Variants in SEPTIN12 observed in about 807,000 individuals in gnomAD.
The protein encoded by SEPTIN12 is septin 12.
Under a neutral mutation model 37.7 loss-of-function variants are expected in SEPTIN12, and 42 were observed. The observed-to-expected ratio is 1.11, with a 90% CI of 0.87 to 1.44. SEPTIN12 has a LOEUF of 1.44. Among genes scored for constraint, SEPTIN12 ranks in the 40% most tolerant of loss-of-function variants. The pLI, the probability that SEPTIN12 is intolerant of heterozygous loss-of-function variation, is 0.00. For synonymous variants in SEPTIN12, 254 were observed against 196.7 expected (o/e 1.29, Z -2.44); for missense variants, 613 against 479.2 (o/e 1.28, Z -2.61).
intron 7 of SEPTIN12, among the ~76,000 whole-genome samples, chr16:4,781,999 G>A (rs575358555): frequency 3.8e-5 from 5 of 130,838 alleles, no homozygotes; most frequent in Admixed American, 1.9e-4. Flanking sequence ...TGCCCAGGCT[G>A]GAGTGCAGTG....
rs748270092 is a variant in SEPTIN12, at chr16:4,777,882, G to A, written c.992C>T (p.Ala331Val). Reference protein sequence around the residue: ...LPRGPGWVNLAPASPGQLTTP... With the variant: ...LPRGPGWVNLVPASPGQLTTP... ...GGTCAGCTGTCCTGGGGAGGCCGGG[G>A]CCAGGTTCACCCAGCCGGGCCCGCG... Residue 331 changes from alanine (A) to valine (V), a missense_variant, in exon 10 of 10, where the codon GCC (alanine) becomes GTC (valine). Transcript: ENST00000268231. 6.3e-7 allele frequency: 1 copy of A among 1,598,566 alleles called. No homozygotes were observed. Among genetic ancestry groups the A allele is most frequent in the South Asian group, 1.1e-5 (1 of 88,602 alleles).
intron 2 of SEPTIN12, 38 bp downstream of exon 2, chr16:4,787,442 G>A (rs376379828): frequency 1.9e-6 from 3 of 1,599,852 alleles, no homozygotes; most frequent in Non-Finnish European, 1.7e-6. Context: ...GCGTAGCACT[G>A]TGGGTCTGTC....
chr16:4,781,943 CTTTTTTTTT>C (rs571415645), intron 7 of SEPTIN12, among the ~76,000 whole-genome samples: 1 of 47,450 alleles, frequency 2.1e-5, no homozygotes, highest in Non-Finnish European at 3.6e-5. Flanking sequence ...CGTGCCCGGC[CTTTTTTTTT>C]TTTTTTTTTT....
chr16:4,783,586 C>A, intron 6 of SEPTIN12, 29 bp from the exon 7 acceptor site: 1 of 1,611,718 alleles, frequency 6.2e-7, no homozygotes, highest in South Asian at 1.1e-5. Flanking sequence ...TGACCTCAGC[C>A]CACCCTGCCC....
Position 4,779,804 on chromosome 16 carries a change from A to T in SEPTIN12, c.727-18T>A, listed in dbSNP as rs1471792922. 1 of 1,555,986 alleles carries T rather than the reference A, an allele frequency of 6.4e-7. No individual in the cohort carries two copies. Among genetic ancestry groups the T allele is most frequent in the Non-Finnish European group, 8.9e-7 (1 of 1,126,972 alleles). On this transcript the variant is annotated intron_variant, in intron 7 of 9. Coordinates refer to ENST00000268231, the MANE Select transcript of SEPTIN12 (RefSeq NM_144605.5). Reference sequence around the variant, plus strand: ...ATTCGGTCCTGGGAAAGGAGAAGACACAGAGATGGGAGGATTGACTTCGCT... The same window carrying T: ...ATTCGGTCCTGGGAAAGGAGAAGACTCAGAGATGGGAGGATTGACTTCGCT...
rs543288156 is a variant in SEPTIN12 at position 4,783,851 on chromosome 16, G to A, written c.512+80C>T. The A allele has an allele frequency of 9.4e-6, 15 of 1,601,690 alleles. No homozygotes were observed. In the Admixed American group the frequency reaches 1.0e-4, roughly 11 times the overall value. On this transcript the variant is annotated intron_variant, in intron 5 of 9. Coordinates refer to ENST00000268231, the MANE Select transcript of SEPTIN12 (RefSeq NM_144605.5). Reference sequence around the variant, plus strand: ...GCAGGGCACGGGGGTGGGGGCAGCCGGCAGCCCATGGTGGGGACCCCTTCT... The same window carrying A: ...GCAGGGCACGGGGGTGGGGGCAGCCAGCAGCCCATGGTGGGGACCCCTTCT...
upstream of SEPTIN12, among the ~76,000 whole-genome samples, chr16:4,790,369 G>T (rs2082533363): frequency 6.6e-6 from 1 of 152,214 alleles, no homozygotes; most frequent in Admixed American, 6.5e-5. Flanking sequence ...CAGAAGAAAG[G>T]TGGCCGTGGT....
intron 7 of SEPTIN12, among the ~76,000 whole-genome samples, chr16:4,781,600 G>T (rs139541962): frequency 2.6e-3 from 394 of 151,432 alleles, no homozygotes; most frequent in Non-Finnish European, 4.0e-3. Context: ...TGTTTACAAG[G>T]TTCCCCCACG....
chr16:4,779,826 C>A, intron 7 of SEPTIN12, 40 bp from the exon 8 acceptor site: 2 of 1,394,660 alleles, frequency 1.4e-6, no homozygotes, highest in Non-Finnish European at 2.0e-6. Flanking sequence ...GGATTGACTT[C>A]GCTGGGGAGA....
At chr16:4,780,642 A>G (rs1292813965) in intron 7 of SEPTIN12, among the ~76,000 whole-genome samples, 1 of 152,162 alleles carries the variant, frequency 6.6e-6, no homozygotes, top group Non-Finnish European at 1.5e-5. Flanking sequence ...AGTGACATAT[A>G]TGGGTTTTTA....
At position 4,787,462 on chromosome 16, in the gene SEPTIN12, G is replaced by A. The variant is rs754728631; in HGVS notation, c.166+18C>T. 6.2e-7 allele frequency: 1 copy of A among 1,610,364 alleles called. No individual in the cohort carries two copies. The highest frequency in any genetic ancestry group is 8.5e-7 in the Non-Finnish European group (1 of 1,179,218). ...GCACTGTGGGTCTGTCCTGCCGTGG[G>A]CCCTACCTCTCACTCACCCACCACC... On this transcript the variant is annotated intron_variant, in intron 2 of 9. Transcript: ENST00000268231.
At position 4,777,927 on chromosome 16, in the gene SEPTIN12, T is replaced by C. The variant is rs766259556; in HGVS notation, c.947A>G (p.Asn316Ser). ...CCCGCGGGGCAGCAGGTGGCTTTCA[T>C]TGAGTCTGATGACGCGGTAGTTCTC... ...HYENYRVIRL[N>S]ESHLLPRGPG... The change falls in exon 10 of 10, where the codon AAT (asparagine) becomes AGT (serine). Residue 316 changes from asparagine (N) to serine (S), a missense_variant. By Grantham distance (46) the Asn-to-Ser change is conservative. Transcript: ENST00000268231. The C allele has an allele frequency of 1.4e-5, 23 of 1,606,694 alleles. No individual in the cohort carries two copies. Among genetic ancestry groups the C allele is most frequent in the East Asian group, 2.2e-5 (1 of 44,634 alleles).
In SEPTIN12 at chr16:4,787,508, C is replaced by T. The variant is rs200450276; in HGVS notation, c.138G>A (p.Met46Ile). The change falls in exon 2 of 10, where the codon ATG becomes ATA. Residue 46 changes from methionine to isoleucine, a missense_variant. Physicochemically the swap from Met to Ile is conservative, Grantham distance 10. Transcript: ENST00000268231. ...CCACCATGATGTTGAACTCAAACCC[C>T]ATCTTCATAGCCTTGATCTTCAGCT... Reference protein sequence around the residue: ...LDQLKIKAMKMGFEFNIMVVG... With the variant: ...LDQLKIKAMKIGFEFNIMVVG... 1.7e-4 allele frequency: 267 copies of T among 1,613,082 alleles called. No individual in the cohort carries two copies. Among genetic ancestry groups the T allele is most frequent in the Non-Finnish European group, 2.2e-4 (259 of 1,180,038 alleles).
rs755618713 is a variant in SEPTIN12 at position 4,786,037 on chromosome 16, G to C, written c.235C>G (p.Pro79Ala). The change falls in exon 3 of 10, where the codon CCA becomes GCA. Residue 79 changes from proline (P) to alanine (A), a missense_variant. By Grantham distance (27) the Pro-to-Ala change is conservative. Transcript: ENST00000268231. ...GGTGTGGGCACCCCCAAGCCCGGTG[G>C]GTTTGACTTCCACACTTTGGACTTG... is the stretch of plus-strand genomic sequence containing the variant. ...LFKSKVWKSNPPGLGVPTPQT... is the reference protein window; with the variant it reads ...LFKSKVWKSNAPGLGVPTPQT... The C allele has an allele frequency of 1.2e-5, 20 of 1,614,020 alleles. No individual in the cohort carries two copies. Among genetic ancestry groups the C allele is most frequent in the Non-Finnish European group, 1.7e-5 (20 of 1,179,970 alleles).
At chr16:4,786,328 C>G (rs1349213065) in intron 2 of SEPTIN12, among the ~76,000 whole-genome samples, 2 of 151,124 alleles carry the variant, frequency 1.3e-5, no homozygotes, top group Non-Finnish European at 2.9e-5. Context: ...GCACACGCCA[C>G]CATACCCAGC....
At chr16:4,778,197 G>C (rs1298388147) in intron 8 of SEPTIN12, 60 bp from the exon 9 acceptor site, 1 of 1,525,364 alleles carries the variant, frequency 6.6e-7, no homozygotes, top group Non-Finnish European at 9.1e-7. Context: ...AGTGCCTACT[G>C]TATGCACCAC....
At chr16:4,791,800 G>C (rs1192182753), upstream of SEPTIN12, among the ~76,000 whole-genome samples, 3 of 152,092 alleles carry the variant, frequency 2.0e-5, no homozygotes, top group Non-Finnish European at 4.4e-5. Flanking sequence ...TGATTCTCCT[G>C]CCTCAGCTTC....
intron 8 of SEPTIN12, 53 bp from the exon 9 acceptor site, chr16:4,778,190 GC>G: frequency 6.3e-7 from 1 of 1,579,652 alleles, no homozygotes; most frequent in Non-Finnish European, 8.7e-7. Context: ...CTGAGTAAGT[GC>G]CTACTGTATG....
At position 4,779,727 on chromosome 16, in the gene SEPTIN12, A is replaced by G. The variant is rs766883376; in HGVS notation, c.786T>C (p.Cys262=). 9.3e-6 allele frequency: 15 copies of G among 1,613,734 alleles called. No homozygotes were observed. Among genetic ancestry groups the G allele is most frequent in the Non-Finnish European group, 1.3e-5 (15 of 1,179,816 alleles). Residue 262 remains cysteine (C), a synonymous_variant, in exon 8 of 10, where the codon TGT becomes TGC. Coordinates refer to ENST00000268231, the MANE Select transcript of SEPTIN12 (RefSeq NM_144605.5). ...CCCACTTGGTCTTCCGGCCCAGGACACACCTCCCGTTCACCAGGTGCTCTT... is the reference window on the plus strand; with the variant it reads ...CCCACTTGGTCTTCCGGCCCAGGACGCACCTCCCGTTCACCAGGTGCTCTT... ...ADQEHLVNGR[C]VLGRKTKWGI...
Sources: gnomAD v4.1 joint callset for allele counts (sites outside exome capture counted in the v4.1 genomes callset) on GRCh38, gnomAD v4.1.1 for gene constraint, MANE v1.5 for transcripts, NCBI Gene and HGNC (gene_info 2026-07-23, HGNC 2026-07-21) for gene names.